PLEKHG4B: variants seen among roughly 807,000 people sequenced by gnomAD.
PLEKHG4B encodes pleckstrin homology and RhoGEF domain containing G4B.
A neutral mutation model predicts 121.3 loss-of-function variants in PLEKHG4B; 111 were observed. That is an observed-to-expected ratio of 0.92 (90% CI 0.78 to 1.07). PLEKHG4B has a LOEUF of 1.07. Among genes scored for constraint, PLEKHG4B ranks in the 50% least tolerant of loss-of-function variants. The pLI is 0.00. For missense variants in PLEKHG4B, 1,831 were observed against 1,757.8 expected (o/e 1.04, Z -0.74); for synonymous variants, 738 against 725.0 (o/e 1.02, Z -0.29).
At position 156,840 on chromosome 5, in the gene PLEKHG4B, ACCTC is replaced by A; in HGVS notation, c.2417_2420del (p.Thr806ArgfsTer51). 1 of 1,601,918 alleles carries A rather than the reference ACCTC, an allele frequency of 6.2e-7. No individual in the cohort carries two copies. The highest frequency in any genetic ancestry group is 1.3e-5 in the African/African-American group (1 of 74,784). ...TGAGGAGGTGCACAGGCTGGTCCTCACCTCGAACAATCGTCTCCAGCAGCTGGAG... is the reference window on the plus strand; with the variant it reads ...TGAGGAGGTGCACAGGCTGGTCCTCAGAACAATCGTCTCCAGCAGCTGGAG... On this transcript the variant is annotated frameshift_variant, in exon 11 of 20. Coordinates refer to ENST00000637938, the MANE Select transcript of PLEKHG4B (RefSeq NM_052909.5). LOFTEE classifies it high-confidence loss of function. This position sits in a 1 kb window ranked among gnomAD's most constrained non-coding sequence, Gnocchi z 4.4.
chr5:135,675 AAAAAAAAATATATATATATATATATATAT>A (rs1187558075), intron 2 of PLEKHG4B, among the ~76,000 whole-genome samples: 6 of 73,170 alleles, frequency 8.2e-5, no homozygotes, highest in African/African-American at 2.9e-4. Context: ...CAAAAAAAAA[AAAAAAAAATATATATATATATATATATAT>A]ATATATATAT....
rs1579308655 is a variant in PLEKHG4B at position 162,863 on chromosome 5, C to CAT, written c.2792_2793dup (p.Ala932MetfsTer54). On this transcript the variant is annotated frameshift_variant, in exon 13 of 20. Coordinates refer to ENST00000637938, the MANE Select transcript of PLEKHG4B (RefSeq NM_052909.5). LOFTEE classifies it high-confidence loss of function. ...GGCAGGTGTGGCAGTGCTGAAGCCT[C>CAT]ATGCCCTGGGGAAACCGTGGGCATC... 3 of 1,519,460 alleles carry CAT rather than the reference C, an allele frequency of 2.0e-6. No individual in the cohort carries two copies. Among genetic ancestry groups the CAT allele is most frequent in the Non-Finnish European group, 2.6e-6 (3 of 1,132,546 alleles). The allele number at this position is 1,519,460 out of a possible 1,614,324, so 94.1% of individuals were successfully genotyped here. A position where few individuals can be genotyped will look rare whatever the true frequency, so the allele number is the denominator to read the frequency against.
intron 13 of PLEKHG4B, among the ~76,000 whole-genome samples, chr5:166,775 G>C (rs1224993504): frequency 6.6e-6 from 1 of 152,222 alleles, no homozygotes; most frequent in Non-Finnish European, 1.5e-5. Flanking sequence ...AATCTGAACG[G>C]AGAAGGCCCA....
intron 13 of PLEKHG4B, among the ~76,000 whole-genome samples, chr5:165,215 T>C (rs1306556703): frequency 7.9e-5 from 3 of 37,912 alleles, no homozygotes; most frequent in African/African-American, 2.0e-4. Context: ...CTCACACTAA[T>C]GCTCTGACGG....
At position 173,938 on chromosome 5, in the gene PLEKHG4B, A is replaced by G. The variant is rs754991240; in HGVS notation, c.4242A>G (p.Thr1414=). The change falls in exon 18 of 20, where the codon ACA becomes ACG. Residue 1414 remains threonine (T), a synonymous_variant. Transcript: ENST00000637938. ...QSFKTAEIGM[T]ENVGDSGLRF... ...TGCAGACGGCCGAGATCGGGATGAC[A>G]GAGAACGTCGGGGACAGTGGCTTGA... The G allele has an allele frequency of 1.2e-6, 2 of 1,613,666 alleles. No individual in the cohort carries two copies. The highest frequency in any genetic ancestry group is 8.5e-7 in the Non-Finnish European group (1 of 1,179,932).
At chr5:110,172 A>G (rs1182454980) in intron 1 of PLEKHG4B, among the ~76,000 whole-genome samples, 1 of 144,092 alleles carries the variant, frequency 6.9e-6, no homozygotes, top group Non-Finnish European at 1.5e-5. Flanking sequence ...ACACGTGCAC[A>G]CACCGGCCAC....
intron 8 of PLEKHG4B, 143 bp downstream of exon 8, chr5:155,134 C>T (rs1356693738): frequency 1.1e-6 from 1 of 871,640 alleles, no homozygotes. Context: ...TTCGTGTCTA[C>T]ACAACCACGC....
Position 140,498 on chromosome 5 carries a change from C to T in PLEKHG4B, c.1259C>T (p.Thr420Ile). 6.3e-7 allele frequency: 1 copy of T among 1,596,338 alleles called. No homozygotes were observed. Among genetic ancestry groups the T allele is most frequent in the Non-Finnish European group, 8.5e-7 (1 of 1,171,892 alleles). ...QTPSLEKERH[T>I]PSRTGPGAAG... The stretch of plus-strand genomic sequence containing the variant: ...CCAAGTCTAGAGAAGGAGAGGCACA[C>T]ACCCAGCCGGACAGGTCCAGGAGCT... The change falls in exon 3 of 20, where the codon ACA becomes ATA. Residue 420 changes from threonine (T) to isoleucine (I), a missense_variant. By Grantham distance (89) the Thr-to-Ile change is moderately conservative. Coordinates refer to ENST00000637938, the MANE Select transcript of PLEKHG4B (RefSeq NM_052909.5).
chr5:173,251 C>T (rs1736631081), intron 17 of PLEKHG4B, among the ~76,000 whole-genome samples, 184 bp downstream of exon 17: 1 of 152,226 alleles, frequency 6.6e-6, no homozygotes, highest in Admixed American at 6.5e-5. Context: ...CTTCCAAAAG[C>T]TGCAAGGAGA....
At position 162,954 on chromosome 5, in the gene PLEKHG4B, C is replaced by G. The variant is rs940795391; in HGVS notation, c.2882C>G (p.Ala961Gly). Residue 961 changes from alanine (A) to glycine (G), a missense_variant, in exon 13 of 20, where the codon GCT (alanine) becomes GGT (glycine). Coordinates refer to ENST00000637938, the MANE Select transcript of PLEKHG4B (RefSeq NM_052909.5). Reference protein sequence around the residue: ...RLRLEEALSEAAPDPSLPPLA... With the variant: ...RLRLEEALSEGAPDPSLPPLA... ...CGTCTGGAAGAGGCCCTTTCTGAGG[C>G]TGCCCCAGACCCCAGCTTACCGCCC... 3.9e-6 allele frequency: 6 copies of G among 1,558,050 alleles called. No individual in the cohort carries two copies. In the African/African-American group the frequency reaches 8.2e-5, roughly 21 times the overall value.
At chr5:163,700 A>G in intron 13 of PLEKHG4B, 152 bp downstream of exon 13, 3 of 716,506 alleles carry the variant, frequency 4.2e-6, no homozygotes, top group East Asian at 2.7e-5. Context: ...AAGAAACACA[A>G]TTTTAAACTA....
At chr5:108,210 T>A (rs1734032653) in intron 1 of PLEKHG4B, among the ~76,000 whole-genome samples, 1 of 152,152 alleles carries the variant, frequency 6.6e-6, no homozygotes, top group Non-Finnish European at 1.5e-5. Flanking sequence ...GGTGATAAAG[T>A]CAGTGCATTA....
At chr5:106,172 T>G (rs1267622470) in intron 1 of PLEKHG4B, among the ~76,000 whole-genome samples, 1 of 152,176 alleles carries the variant, frequency 6.6e-6, no homozygotes. Flanking sequence ...TTGAGGGCCT[T>G]CACCACTGTA....
intron 1 of PLEKHG4B, among the ~76,000 whole-genome samples, chr5:99,163 A>T (rs1178597473): frequency 9.1e-6 from 1 of 110,244 alleles, no homozygotes; most frequent in East Asian, 2.8e-4. Context: ...CTCAAAAAAA[A>T]AAAAGTGTAT....
In PLEKHG4B at chr5:139,559, C is replaced by T. The variant is rs1214017095; in HGVS notation, c.320C>T (p.Ala107Val). The part of the protein sequence containing the change: ...CAHEKVVVQL[A>V]SLHGVRLQPG... Reference sequence around the variant, plus strand: ...CATGAGAAGGTGGTGGTGCAGCTGGCGTCCCTGCACGGAGTCAGGCTCCAG... The same window carrying T: ...CATGAGAAGGTGGTGGTGCAGCTGGTGTCCCTGCACGGAGTCAGGCTCCAG... Residue 107 changes from alanine (A) to valine (V), a missense_variant, in exon 3 of 20, where the codon GCG becomes GTG. Physicochemically the swap from Ala to Val is moderately conservative, Grantham distance 64 (BLOSUM62 0). Coordinates refer to ENST00000637938, the MANE Select transcript of PLEKHG4B (RefSeq NM_052909.5). This position sits in a 1 kb window ranked among gnomAD's most constrained non-coding sequence, Gnocchi z 5.0. 8 of 398,840 alleles carry T rather than the reference C, an allele frequency of 2.0e-5. No homozygotes were observed. The highest frequency in any genetic ancestry group is 4.4e-5 in the Admixed American group (1 of 22,726). 24.7% of individuals were successfully genotyped at this position (398,840 alleles called of 1,614,324 possible).
rs770771633 is a variant in PLEKHG4B, at chr5:171,408, T to A, written c.4014T>A (p.Asn1338Lys). 6.2e-7 allele frequency: 1 copy of A among 1,606,004 alleles called. No individual in the cohort carries two copies. The highest frequency in any genetic ancestry group is 1.1e-5 in the South Asian group (1 of 90,956). ...VVVCFQLRHG[N>K]DLLAMDAIRG... ...TCTGCTTCCAGCTGCGTCACGGCAA[T>A]GACCTGCTGGCCATGGACGCCATCC... Residue 1338 changes from asparagine to lysine, a missense_variant, in exon 16 of 20, where the codon AAT becomes AAA. By Grantham distance (94) the Asn-to-Lys change is moderately conservative. Transcript: ENST00000637938.
Position 162,893 on chromosome 5 carries a change from C to A in PLEKHG4B, c.2821C>A (p.Gln941Lys). The A allele has an allele frequency of 6.5e-7, 1 of 1,531,780 alleles. No individual in the cohort carries two copies. Among genetic ancestry groups the A allele is most frequent in the Non-Finnish European group, 8.8e-7 (1 of 1,138,670 alleles). 94.9% of individuals were successfully genotyped at this position (1,531,780 alleles called of 1,614,324 possible). ...HALGKPWASQQDLWLQYPQTR... is the reference protein window; with the variant it reads ...HALGKPWASQKDLWLQYPQTR... ...CCTGGGGAAACCGTGGGCATCACAG[C>A]AAGACCTGTGGCTGCAGTACCCCCA... is the stretch of plus-strand genomic sequence containing the variant. The change falls in exon 13 of 20, where the codon CAA becomes AAA. Residue 941 changes from glutamine (Q) to lysine (K), a missense_variant. Gln to Lys is a moderately conservative substitution (Grantham distance 53, BLOSUM62 1). Transcript: ENST00000637938.
rs766860915 is a variant in PLEKHG4B, at chr5:181,687, C to T, written c.4564+12C>T. ...CGTCAAGGGCACAGGTACGGTGGCT[C>T]GGTCCCGCCCTCACTCACCCTGCAG... On this transcript the variant is annotated intron_variant, in intron 19 of 19. Transcript: ENST00000637938. 32 of 1,607,850 alleles carry T rather than the reference C, an allele frequency of 2.0e-5. 1 individual carries two copies. The East Asian group carries it at 2.5e-4, about 12-fold the overall frequency.
chr5:143,644 C>A, intron 5 of PLEKHG4B, 141 bp downstream of exon 5: 2 of 1,029,272 alleles, frequency 1.9e-6, no homozygotes, highest in Non-Finnish European at 2.8e-6. Context: ...GAGCAGTCAG[C>A]ACCCATGTGC....
Sources: allele counts gnomAD v4.1 joint callset (sites outside exome capture counted in the v4.1 genomes callset), GRCh38; gene constraint gnomAD v4.1.1; non-coding constraint Gnocchi (gnomAD v3.1); transcripts MANE v1.5; gene names NCBI Gene and HGNC (gene_info 2026-07-23, HGNC 2026-07-21).